The following ATXN10 variants were observed in gnomAD, a reference collection of about 807,000 sequenced individuals.
ATXN10 encodes the protein ataxin 10.
ATXN10 carries 28 observed loss-of-function variants against 52.9 expected under a neutral mutation model. That is an observed-to-expected ratio of 0.53 (90% CI 0.39 to 0.73). The LOEUF (loss-of-function observed/expected upper bound fraction) is 0.73. ATXN10 is among the 30% of genes least tolerant of loss of function. The pLI, the probability that ATXN10 is intolerant of heterozygous loss-of-function variation, is 0.00. For synonymous variants in ATXN10, 226 were observed against 221.5 expected (o/e 1.02, Z -0.18); for missense variants, 565 against 577.0 (o/e 0.98, Z 0.21).
intron 1 of ATXN10, among the ~76,000 whole-genome samples, chr22:45,686,564 A>G (rs1302845130): frequency 6.6e-6 from 1 of 152,066 alleles, no homozygotes; most frequent in Non-Finnish European, 1.5e-5. Flanking sequence ...TCACGCATGT[A>G]ATCCCAACAC....
chr22:45,726,263 GA>G (rs746243172), intron 6 of ATXN10, among the ~76,000 whole-genome samples: 1 of 152,128 alleles, frequency 6.6e-6, no homozygotes, highest in Non-Finnish European at 1.5e-5. Context: ...ATGTCTGGTG[GA>G]ATTTGGCCAT....
chr22:45,792,410 C>G (rs1003433644), intron 9 of ATXN10: 9 of 152,958 alleles, frequency 5.9e-5, no homozygotes, highest in African/African-American at 1.4e-4. Context: ...AGTGAGCTCT[C>G]TAGCTTCAGA....
chr22:45,759,985 C>T lies in ATXN10; in HGVS notation c.1173+19447C>T, dbSNP rs530281042. On this transcript the variant is annotated intron_variant, in intron 9 of 11. Coordinates refer to ENST00000252934, the MANE Select transcript of ATXN10 (RefSeq NM_013236.4). This position sits in a 1 kb window ranked among gnomAD's most constrained non-coding sequence, Gnocchi z 5.4. ...GTTGTGTGCCAGTGTGCCAGGAGAG[C>T]ATGGGGCAGGGGAATGATGGCCCTA... Among the ~76,000 whole-genome samples the T allele has an allele frequency of 1.3e-5, 2 of 152,294 alleles. No homozygotes were observed. Among genetic ancestry groups the T allele is most frequent in the East Asian group, 3.9e-4 (2 of 5,184 alleles).
intron 9 of ATXN10, among the ~76,000 whole-genome samples, chr22:45,798,435 A>G (rs1439945619): frequency 6.6e-6 from 1 of 152,224 alleles, no homozygotes; most frequent in Non-Finnish European, 1.5e-5. Flanking sequence ...AAACAATATG[A>G]TTATCTCAAT....
chr22:45,749,831 G>T (rs1254535297), intron 9 of ATXN10, among the ~76,000 whole-genome samples: 1 of 152,054 alleles, frequency 6.6e-6, no homozygotes, highest in African/African-American at 2.4e-5. Flanking sequence ...CTCCCAAAGT[G>T]CTCGGATTAC....
rs1041760494 is a variant in ATXN10 at position 45,842,390 on chromosome 22, G to T, written c.1238-601G>T. Among the ~76,000 whole-genome samples the T allele has an allele frequency of 1.3e-5, 2 of 152,212 alleles. No individual in the cohort carries two copies. The highest frequency in any genetic ancestry group is 2.9e-5 in the Non-Finnish European group (2 of 68,038). On this transcript the variant is annotated intron_variant, in intron 10 of 11. Transcript: ENST00000252934. The surrounding 1 kb of genome is among the most constrained non-coding windows in gnomAD (Gnocchi z 4.8). ...AGCCCCGATGCTTTCAGGAGCCTGA[G>T]TATTCAAACTAAACACAGCAAATCC...
intron 1 of ATXN10, among the ~76,000 whole-genome samples, chr22:45,686,739 A>G (rs1319533800): frequency 2.0e-5 from 3 of 151,724 alleles, no homozygotes; most frequent in Non-Finnish European, 4.4e-5. Context: ...GAATCACTTG[A>G]ACCCAGGAGG....
intron 10 of ATXN10, among the ~76,000 whole-genome samples, chr22:45,815,443 G>A (rs1928428036): frequency 6.6e-6 from 1 of 152,176 alleles, no homozygotes; most frequent in Non-Finnish European, 1.5e-5. Flanking sequence ...GAGCAGTGCA[G>A]GTAGGACATT....
chr22:45,771,266 C>T (rs1012937143), intron 9 of ATXN10, among the ~76,000 whole-genome samples: 2 of 152,182 alleles, frequency 1.3e-5, no homozygotes, highest in African/African-American at 4.8e-5. Flanking sequence ...TGCACATCCT[C>T]GTCAGCTCTT....
chr22:45,711,527 T>C (rs957767543), intron 5 of ATXN10, among the ~76,000 whole-genome samples: 1 of 152,130 alleles, frequency 6.6e-6, no homozygotes, highest in African/African-American at 2.4e-5. Context: ...CAAGTTAACC[T>C]GGGAAACCTG....
At chr22:45,836,611 C>G (rs567136302) in intron 10 of ATXN10, among the ~76,000 whole-genome samples, 7 of 152,316 alleles carry the variant, frequency 4.6e-5, no homozygotes, top group African/African-American at 1.7e-4. Context: ...ATGAGGACTC[C>G]CCCCTGGGGA....
intron 9 of ATXN10, among the ~76,000 whole-genome samples, chr22:45,778,785 A>G (rs1373441647): frequency 6.6e-6 from 1 of 152,186 alleles, no homozygotes; most frequent in African/African-American, 2.4e-5. Context: ...AAAAGATGAG[A>G]ATGGGAAAAG....
intron 9 of ATXN10, among the ~76,000 whole-genome samples, chr22:45,749,293 A>G (rs1217060524): frequency 6.6e-6 from 1 of 152,134 alleles, no homozygotes; most frequent in African/African-American, 2.4e-5. Context: ...TGGTGAGTCA[A>G]GCGTAGAGTA....
At chr22:45,693,559 G>T (rs1923469189) in intron 3 of ATXN10, among the ~76,000 whole-genome samples, 1 of 152,128 alleles carries the variant, frequency 6.6e-6, no homozygotes, top group African/African-American at 2.4e-5. Flanking sequence ...GCACCATCAT[G>T]ACCTAGTCAC....
rs140817325 is a variant in ATXN10 at position 45,789,371 on chromosome 22, T to G, written c.1174-17588T>G. Among the ~76,000 whole-genome samples the G allele has an allele frequency of 2.1e-3, 322 of 152,322 alleles. 1 individual carries two copies. Among genetic ancestry groups the G allele is most frequent in the African/African-American group, 7.1e-3 (296 of 41,560 alleles). On this transcript the variant is annotated intron_variant, in intron 9 of 11. Transcript: ENST00000252934. The surrounding 1 kb of genome is among the most constrained non-coding windows in gnomAD (Gnocchi z 4.0). ...CTTTTGCTTCTCACGCGCATATATTTTTTTTCCGCAAATCATTGTTAAGTA... is the reference window on the plus strand; with the variant it reads ...CTTTTGCTTCTCACGCGCATATATTGTTTTTCCGCAAATCATTGTTAAGTA...
Position 45,672,124 on chromosome 22 carries a change from CA to C in ATXN10, c.63del (p.Asp22ThrfsTer33). The C allele has an allele frequency of 2.6e-6, 4 of 1,540,758 alleles. No homozygotes were observed. The highest frequency in any genetic ancestry group is 3.5e-6 in the Non-Finnish European group (4 of 1,145,720). On this transcript the variant is annotated frameshift_variant, in exon 1 of 12. Coordinates refer to ENST00000252934, the MANE Select transcript of ATXN10 (RefSeq NM_013236.4). LOFTEE classifies it high-confidence loss of function. ...LSGVMVPAPI[Q>X]DLEALRALTA... ...GGGCGTCATGGTGCCGGCGCCCATC[CA>C]AGACCTGGAGGCCCTGCGCGCGCTC...
intron 9 of ATXN10, among the ~76,000 whole-genome samples, chr22:45,768,850 A>T (rs1257790689): frequency 6.6e-6 from 1 of 152,254 alleles, no homozygotes; most frequent in Non-Finnish European, 1.5e-5. Context: ...TGGATATTTG[A>T]ACGTGGACTG....
chr22:45,834,773 C>T (rs1013366291), intron 10 of ATXN10, among the ~76,000 whole-genome samples: 5 of 152,202 alleles, frequency 3.3e-5, no homozygotes, highest in African/African-American at 9.7e-5. Flanking sequence ...GGAGTCAGAG[C>T]TCGTGCACCG....
In ATXN10 at chr22:45,766,683, T is replaced by A. The variant is rs566626483; in HGVS notation, c.1173+26145T>A. 0.03 allele frequency among the ~76,000 whole-genome samples: 4,528 copies of A among 152,210 alleles called. 222 individuals are homozygous for A. Among genetic ancestry groups the A allele is most frequent in the African/African-American group, 0.1 (4,305 of 41,512 alleles). On this transcript the variant is annotated intron_variant, in intron 9 of 11. Transcript: ENST00000252934. This position sits in a 1 kb window ranked among gnomAD's most constrained non-coding sequence, Gnocchi z 4.6. ...GAAAAGGTTGATAAATTTAAGTACA[T>A]TTTTAAAAAGTTGGATGACAAGAAG...
Sources: allele counts gnomAD v4.1 joint callset (sites outside exome capture counted in the v4.1 genomes callset), GRCh38; gene constraint gnomAD v4.1.1; non-coding constraint Gnocchi (gnomAD v3.1); transcripts MANE v1.5; gene names NCBI Gene and HGNC (gene_info 2026-07-23, HGNC 2026-07-21).